Variants in LOXHD1 observed in about 807,000 individuals in gnomAD.
LOXHD1 encodes the protein lipoxygenase homology domain-containing protein 1.
Under a neutral mutation model 248.2 loss-of-function variants are expected in LOXHD1, and 205 were observed. That is an observed-to-expected ratio of 0.83 (90% CI 0.74 to 0.93). The LOEUF is 0.93. Ranked by LOEUF, LOXHD1 falls within the 40% of genes least tolerant of loss-of-function variation. LOXHD1 has a pLI of 0.00. For synonymous variants in LOXHD1, 1,113 were observed against 1,162.8 expected, an observed-to-expected ratio of 0.96 and a Z score of 0.87; for missense variants, 2,930 against 2,971.6, an observed-to-expected ratio of 0.99 and a Z score of 0.33.
intron 31 of LOXHD1, among the ~76,000 whole-genome samples, chr18:46,523,461 C>A (rs1057303961): frequency 2.4e-4 from 36 of 152,100 alleles, no homozygotes; most frequent in Non-Finnish European, 5.3e-4. Context: ...CTATATTAGT[C>A]CCAGGTGGCC....
chr18:46,522,530 A>G (rs2144141120), intron 31 of LOXHD1, among the ~76,000 whole-genome samples: 1 of 152,352 alleles, frequency 6.6e-6, no homozygotes, highest in East Asian at 1.9e-4. Flanking sequence ...GACCAAAGAC[A>G]GCATTCTTGT....
At chr18:46,653,531 A>C (rs2039139860) in intron 1 of LOXHD1, among the ~76,000 whole-genome samples, 1 of 152,256 alleles carries the variant, frequency 6.6e-6, no homozygotes, top group Non-Finnish European at 1.5e-5. Flanking sequence ...TGGAGGACAC[A>C]GAATTCTGTT....
chr18:46,549,338 A>C (rs1417956168), intron 21 of LOXHD1, among the ~76,000 whole-genome samples: 2 of 100,258 alleles, frequency 2.0e-5, no homozygotes, highest in Non-Finnish European at 4.8e-5. Context: ...ACTCCACTTG[A>C]AAGTAAAAAA....
chr18:46,480,937 C>A (rs2032511243), intron 40 of LOXHD1, among the ~76,000 whole-genome samples: 1 of 152,130 alleles, frequency 6.6e-6, no homozygotes. Flanking sequence ...AAAATAAGGT[C>A]TTTTTGTATG....
intron 21 of LOXHD1, among the ~76,000 whole-genome samples, chr18:46,550,287 G>T (rs555468381): frequency 6.6e-6 from 1 of 152,176 alleles, no homozygotes; most frequent in African/African-American, 2.4e-5. Flanking sequence ...AAGAGTCAGC[G>T]TGTGGGCCGG....
Position 46,579,782 on chromosome 18 carries a change from C to A in LOXHD1, c.1657G>T (p.Ala553Ser), listed in dbSNP as rs762184349. Residue 553 changes from alanine (A) to serine (S), a missense_variant and splice_region_variant, in exon 13 of 41, where the codon GCC (alanine) becomes TCC (serine). By Grantham distance (99) the Ala-to-Ser change is moderately conservative (BLOSUM62 1). Coordinates refer to ENST00000642948, the MANE Select transcript of LOXHD1 (RefSeq NM_001384474.1). ...GTGCACACAGTCACATGGTACCGGG[C>A]CACTGGCAGGCAGAGAGAGGGACAT... ...GPTVRRIMGM[A>S]RYHVTVCTGE... 12 of 1,551,164 alleles carry A rather than the reference C, an allele frequency of 7.7e-6. No individual in the cohort carries two copies. In the South Asian group the frequency reaches 1.4e-4, roughly 18 times the overall value.
At chr18:46,564,897 C>T (rs974177511) in intron 17 of LOXHD1, among the ~76,000 whole-genome samples, 5 of 152,168 alleles carry the variant, frequency 3.3e-5, no homozygotes, top group Admixed American at 6.5e-5. Context: ...GGTGATTTCA[C>T]ACTGGGGTTC....
Position 46,507,669 on chromosome 18 carries a change from T to G in LOXHD1, c.5561A>C (p.Tyr1854Ser). The G allele has an allele frequency of 6.4e-7, 1 of 1,551,736 alleles. No homozygotes were observed. The change falls in exon 36 of 41, where the codon TAC becomes TCC. Residue 1854 changes from tyrosine to serine, a missense_variant. Tyr to Ser is a moderately radical substitution (Grantham distance 144, BLOSUM62 -2). Transcript: ENST00000642948. ...CCGCTGGGACAGCCAGTCTCCATAGTAGAACATGGTCAGGTCTCCAGTGTT... is the reference window on the plus strand; with the variant it reads ...CCGCTGGGACAGCCAGTCTCCATAGGAGAACATGGTCAGGTCTCCAGTGTT... ...NMNTGDLTMF[Y>S]YGDWLSQRKG...
At position 46,579,736 on chromosome 18, in the gene LOXHD1, C is replaced by G. The variant is rs919004894; in HGVS notation, c.1703G>C (p.Gly568Ala). 6.4e-7 allele frequency: 1 copy of G among 1,551,806 alleles called. No homozygotes were observed. The highest frequency in any genetic ancestry group is 2.4e-5 in the East Asian group (1 of 40,922). The change falls in exon 13 of 41, where the codon GGG (glycine) becomes GCG (alanine). Residue 568 changes from glycine to alanine, a missense_variant. Physicochemically the swap from Gly to Ala is moderately conservative, Grantham distance 60. Transcript: ENST00000642948. ...GCAGAGATAGACGTTGGCATCGGTC[C>G]CAGCACCTTCAAGTTCACCTGTGCA... ...TVCTGELEGA[G>A]TDANVYLCLF...
At chr18:46,633,260 T>C (rs1424303905) in intron 4 of LOXHD1, among the ~76,000 whole-genome samples, 1 of 152,188 alleles carries the variant, frequency 6.6e-6, no homozygotes. Context: ...AGTGTGGTAG[T>C]GGCATAAAGA....
rs765214595 is a variant in LOXHD1 at position 46,560,226 on chromosome 18, T to C, written c.2918A>G (p.Glu973Gly). The C allele has an allele frequency of 3.2e-6, 5 of 1,551,304 alleles. No individual in the cohort carries two copies. Among genetic ancestry groups the C allele is most frequent in the Non-Finnish European group, 4.4e-6 (5 of 1,146,964 alleles). ...SSSEEEEMEE[E>G]EEEEEFGPGM... is the part of the protein sequence containing the mutation. ...CGGCCCAAACTCCTCCTCTTCCTCC[T>C]CTTCTTCCATCTCCTCCTCCTCTGA... The change falls in exon 19 of 41, where the codon GAG becomes GGG. Residue 973 changes from glutamate to glycine, a missense_variant. Glu to Gly is a moderately conservative substitution (Grantham distance 98). Transcript: ENST00000642948.
chr18:46,582,289 A>AACAAACCT (rs1158749534), intron 12 of LOXHD1, among the ~76,000 whole-genome samples: 1 of 152,194 alleles, frequency 6.6e-6, no homozygotes, highest in Non-Finnish European at 1.5e-5. Flanking sequence ...AGGGGAAGAG[A>AACAAACCT]ACAAACCTAT....
At chr18:46,531,678 C>A (rs2036077755) in intron 28 of LOXHD1, among the ~76,000 whole-genome samples, 1 of 152,194 alleles carries the variant, frequency 6.6e-6, no homozygotes. Flanking sequence ...TTTCTGGATC[C>A]TCCTCCCTCC....
chr18:46,550,094 A>G (rs2037023903), intron 21 of LOXHD1, among the ~76,000 whole-genome samples: 1 of 152,238 alleles, frequency 6.6e-6, no homozygotes, highest in African/African-American at 2.4e-5. Context: ...AGCAGAGCCA[A>G]TGATTAAGTG....
intron 12 of LOXHD1, among the ~76,000 whole-genome samples, chr18:46,588,609 T>C (rs570968666): frequency 6.6e-6 from 1 of 152,208 alleles, no homozygotes; most frequent in Non-Finnish European, 1.5e-5. Context: ...TCACTTCATC[T>C]GCAAAATTTG....
chr18:46,552,585 A>G (rs75756604), intron 21 of LOXHD1, among the ~76,000 whole-genome samples: 13,767 of 152,200 alleles, frequency 0.09, 801 homozygotes, highest in Non-Finnish European at 0.13. Flanking sequence ...GACCACACAG[A>G]GCTCTCCCTT....
At chr18:46,545,920 C>T (rs576148004) in intron 22 of LOXHD1, among the ~76,000 whole-genome samples, 93 of 139,820 alleles carry the variant, frequency 6.7e-4, no homozygotes, top group African/African-American at 2.3e-3. Flanking sequence ...TGAGCCACCG[C>T]GCCTCTTGGC....
chr18:46,491,865 T>C (rs1195853423), intron 37 of LOXHD1, among the ~76,000 whole-genome samples: 1 of 152,240 alleles, frequency 6.6e-6, no homozygotes, highest in Non-Finnish European at 1.5e-5. Context: ...TGGCCTGGGT[T>C]GCCCTGGTGC....
At position 46,477,681 on chromosome 18, in the gene LOXHD1, G is replaced by C; in HGVS notation, c.6613C>G (p.Arg2205Gly). Residue 2205 changes from arginine to glycine, a missense_variant, in exon 41 of 41, where the codon CGC becomes GGC. Transcript: ENST00000642948. The part of the protein sequence containing the change: ...RNLFERGSTD[R>G]FFLETLELGE... ...AGCTCCAGCGTCTCCAGGAAGAAGCGGTCTGTGCTGCCCCGCTCGAAGAGG... is the reference window on the plus strand; with the variant it reads ...AGCTCCAGCGTCTCCAGGAAGAAGCCGTCTGTGCTGCCCCGCTCGAAGAGG... 1.3e-6 allele frequency: 2 copies of C among 1,551,854 alleles called. No individual in the cohort carries two copies. The highest frequency in any genetic ancestry group is 1.7e-6 in the Non-Finnish European group (2 of 1,147,032).
Sources: allele counts gnomAD v4.1 joint callset (sites outside exome capture counted in the v4.1 genomes callset), GRCh38; gene constraint gnomAD v4.1.1; transcripts MANE v1.5; gene names NCBI Gene and HGNC (gene_info 2026-07-23, HGNC 2026-07-21).